The following PSG7 variants were observed in gnomAD, a reference collection of about 807,000 sequenced individuals.
PSG7 encodes the protein pregnancy-specific beta-1-glycoprotein 7.
Under a neutral mutation model 45.6 loss-of-function variants are expected in PSG7, and 57 were observed. That is an observed-to-expected ratio of 1.25 (90% confidence interval 1.01 to 1.56). The LOEUF (loss-of-function observed/expected upper bound fraction) is 1.56. Ranked by LOEUF, PSG7 falls within the 40% of genes most tolerant of loss-of-function variation. The pLI, the probability that PSG7 is intolerant of heterozygous loss-of-function variation, is 0.00. For missense variants in PSG7, 796 were observed against 508.4 expected (o/e 1.57, Z -5.44); for synonymous variants, 298 against 194.4 (o/e 1.53, Z -4.43).
rs564704989 is a variant in PSG7 at position 42,932,269 on chromosome 19, C to T, written c.431-2549G>A. Among the ~76,000 whole-genome samples, 15 of 151,564 alleles carry T rather than the reference C, an allele frequency of 9.9e-5. No individual in the cohort carries two copies. In the South Asian group the frequency reaches 2.3e-3, roughly 23 times the overall value. ...GTATCTCCTGACCTTGTGCCTGCCT[C>T]GGCCTCCCAAAGTCCTGGGAGTATA... On this transcript the variant is annotated intron_variant, in intron 2 of 5. Transcript: ENST00000406070.
At position 42,929,312 on chromosome 19, in the gene PSG7, T is replaced by A; in HGVS notation, c.709+130A>T. The A allele has an allele frequency of 1.9e-6, 3 of 1,576,694 alleles. 1 individual carries two copies. The highest frequency in any genetic ancestry group is 2.4e-5 in the South Asian group (2 of 83,946). On this transcript the variant is annotated intron_variant, in intron 3 of 5. Coordinates refer to ENST00000406070, the MANE Select transcript of PSG7 (RefSeq NM_002783.3). ...ACTCTGGTTTGCCTGGGGCAGGAAG[T>A]CACCACCAGCTTTGATGTCCAGGGG...
rs929635049 is a variant in PSG7 at position 42,937,204 on chromosome 19, T to C, written c.-128A>G. 3.1e-5 allele frequency: 43 copies of C among 1,381,270 alleles called. 1 individual carries two copies. The highest frequency in any genetic ancestry group is 2.0e-4 in the Middle Eastern group (1 of 5,068). The allele number at this position is 1,381,270 out of a possible 1,614,324, so 85.6% of individuals were successfully genotyped here. On this transcript the variant is annotated 5_prime_UTR_variant, in exon 1 of 6. Coordinates refer to ENST00000406070, the MANE Select transcript of PSG7 (RefSeq NM_002783.3). ...GAGCCTCTTCCCGGGGCAGGAGCAC[T>C]TCTCAAGCTCATGGGTGGGGTCAGG...
At chr19:42,933,757 G>T (rs977244359) in intron 2 of PSG7, among the ~76,000 whole-genome samples, 1 of 151,090 alleles carries the variant, frequency 6.6e-6, no homozygotes, top group Non-Finnish European at 1.5e-5. Flanking sequence ...TGAGCAGTGA[G>T]GGCTACACTG....
rs7245978 is a variant in PSG7, at chr19:42,935,641, A to T, written c.193T>A (p.Tyr65Asn). 6.2e-7 allele frequency: 1 copy of T among 1,612,178 alleles called. No homozygotes were observed. The highest frequency in any genetic ancestry group is 1.1e-5 in the South Asian group (1 of 90,804). ...CTGATTTGTCCTTTGTACCAGATGT[A>T]GCCAGTAAGATTCTGGGGCAAATTG... ...VHNLPQNLTG[Y>N]IWYKGQIRDL... Residue 65 changes from tyrosine to asparagine, a missense_variant, in exon 2 of 6, where the codon TAC becomes AAC. Physicochemically the swap from Tyr to Asn is moderately radical, Grantham distance 143. Coordinates refer to ENST00000406070, the MANE Select transcript of PSG7 (RefSeq NM_002783.3).
At position 42,924,602 on chromosome 19, in the gene PSG7, T is replaced by C. The variant is rs1272939415; in HGVS notation, c.*206A>G. The C allele has an allele frequency of 4.7e-6, 3 of 636,996 alleles. No homozygotes were observed. The highest frequency in any genetic ancestry group is 8.4e-6 in the Non-Finnish European group (3 of 356,612). 39.5% of individuals were successfully genotyped at this position (636,996 alleles called of 1,614,324 possible). A position where few individuals can be genotyped will look rare whatever the true frequency, so the allele number is the denominator to read the frequency against. ...TCCACAGTGTGAAGTCATCAACTTG[T>C]TTTCCTTGTTTACAGTTTGAGCAGC... On this transcript the variant is annotated 3_prime_UTR_variant, in exon 6 of 6. Transcript: ENST00000406070.
intron 3 of PSG7, chr19:42,929,219 C>G (rs139936682): frequency 2.9e-5 from 31 of 1,055,150 alleles, no homozygotes; most frequent in Non-Finnish European, 4.2e-5. Context: ...CCATCACAAG[C>G]TGTGGACCCT....
rs536714754 is a variant in PSG7, at chr19:42,927,796, G to A, written c.710-1080C>T. 6.6e-5 allele frequency among the ~76,000 whole-genome samples: 10 copies of A among 151,668 alleles called. No individual in the cohort carries two copies. The South Asian group carries it at 1.7e-3, about 26-fold the overall frequency. ...AGAATCAGAAGTTGTTCATGGGTGG[G>A]CAGTTTCTTTTATGCAAGATGGGGA... On this transcript the variant is annotated intron_variant, in intron 3 of 5. Transcript: ENST00000406070.
chr19:42,929,382 C>A (rs999900794), intron 3 of PSG7, 60 bp downstream of exon 3: 2 of 1,610,926 alleles, frequency 1.2e-6, no homozygotes, highest in African/African-American at 2.7e-5. Flanking sequence ...AGAAGCCCGG[C>A]CTCTGGCCAT....
chr19:42,933,307 A>ATATATATATATT lies in PSG7; in HGVS notation c.430+2096_430+2097insAATATATATATA, dbSNP rs56691588. Among the ~76,000 whole-genome samples, 18 of 13,496 alleles carry ATATATATATATT rather than the reference A, an allele frequency of 1.3e-3. 2 individuals carry two copies. Among genetic ancestry groups the ATATATATATATT allele is most frequent in the Admixed American group, 4.7e-3 (3 of 636 alleles). 8.9% of individuals were successfully genotyped at this position (13,496 alleles called of 152,430 possible). The stretch of plus-strand genomic sequence containing the variant: ...TATATATATATATATATATATATAT[A>ATATATATATATT]TTTTTTTTTTTTTTTGGTGTATGTA... On this transcript the variant is annotated intron_variant, in intron 2 of 5. Transcript: ENST00000406070.
At position 42,925,980 on chromosome 19, in the gene PSG7, A is replaced by C; in HGVS notation, c.1036T>G (p.Ser346Ala). 6.2e-7 allele frequency: 1 copy of C among 1,612,112 alleles called. No homozygotes were observed. Among genetic ancestry groups the C allele is most frequent in the South Asian group, 1.1e-5 (1 of 90,618 alleles). ...RIYPSFTYYH[S>A]GQNLYLSCFA... ...CAGGACAAGTAGAGGTTTTGTCCTG[A>C]ATGGTAATAGGTGAATGAAGGGTAA... The change falls in exon 5 of 6, where the codon TCA becomes GCA. Residue 346 changes from serine (S) to alanine (A), a missense_variant. By Grantham distance (99) the Ser-to-Ala change is moderately conservative. Coordinates refer to ENST00000406070, the MANE Select transcript of PSG7 (RefSeq NM_002783.3).
rs186926543 is a variant in PSG7, at chr19:42,935,595, G to A, written c.239C>T (p.Thr80Ile). 1.0e-4 allele frequency: 168 copies of A among 1,612,102 alleles called. 8 individuals are homozygous for A. The Admixed American group carries it at 1.2e-3, about 12-fold the overall frequency. The change falls in exon 2 of 6, where the codon ACA becomes ATA. Residue 80 changes from threonine (T) to isoleucine (I), a missense_variant. Coordinates refer to ENST00000406070, the MANE Select transcript of PSG7 (RefSeq NM_002783.3). ...GQIRDLYHYV[T>I]SYIVDGQIIK... ...TATTTGACCGTCTACTATATATGAT[G>A]TAACATAATGGTAGAGGTCCCTGAT...
chr19:42,925,697 T>A, intron 5 of PSG7, 76 bp downstream of exon 5: 1 of 1,605,848 alleles, frequency 6.2e-7, no homozygotes. Flanking sequence ...AATACAAATG[T>A]TTTCCTGACT....
intron 2 of PSG7, among the ~76,000 whole-genome samples, chr19:42,931,767 A>C (rs545337922): frequency 6.6e-6 from 1 of 151,606 alleles, no homozygotes; most frequent in Non-Finnish European, 1.5e-5. Context: ...CTGGTCCCCA[A>C]ACCACCTGTA....
rs769322170 is a variant in PSG7, at chr19:42,925,792, G to A, written c.1224C>T (p.Ser408=). ...ACTTACCAGAGACTCTGACTGTCACGGATTTGGAGCTTTCCTTGCCAGTGG... is the reference window on the plus strand; with the variant it reads ...ACTTACCAGAGACTCTGACTGTCACAGATTTGGAGCTTTCCTTGCCAGTGG... ...NSATGKESSK[S]VTVRVSDWTL... is the part of the protein sequence containing the mutation. The change falls in exon 5 of 6, where the codon TCC becomes TCT. Residue 408 remains serine, a synonymous_variant. Coordinates refer to ENST00000406070, the MANE Select transcript of PSG7 (RefSeq NM_002783.3). The A allele has an allele frequency of 9.9e-6, 16 of 1,611,918 alleles. 1 individual carries two copies. In the Middle Eastern group the frequency reaches 1.3e-3, roughly 133 times the overall value.
Position 42,926,418 on chromosome 19 carries a change from G to T in PSG7, c.988+20C>A. 6.2e-7 allele frequency: 1 copy of T among 1,610,262 alleles called. No homozygotes were observed. The highest frequency in any genetic ancestry group is 8.5e-7 in the Non-Finnish European group (1 of 1,178,090). On this transcript the variant is annotated intron_variant, in intron 4 of 5. Transcript: ENST00000406070. ...GTGTCCTGGCCCACAGAGGAAGAAA[G>T]GATACTCAAGGATACTCACAGAGGA...
intron 1 of PSG7, chr19:42,936,214 C>G (rs1973149872): frequency 5.7e-6 from 1 of 174,152 alleles, no homozygotes; most frequent in Admixed American, 5.4e-5. Context: ...CACCTGATCT[C>G]ACATTCTAGA....
rs376480204 is a variant in PSG7, at chr19:42,926,489, G to T, written c.937C>A (p.Arg313=). 18 of 1,611,338 alleles carry T rather than the reference G, an allele frequency of 1.1e-5. No individual in the cohort carries two copies. Among genetic ancestry groups the T allele is most frequent in the Middle Eastern group, 1.7e-4 (1 of 5,778 alleles). ...NETGPYQCEI[R]DRYGGIRSDP... Reference sequence around the variant, plus strand: ...CTGCGGATGCCACCATATCGGTCCCGTATTTCACATTGATAGGGTCCTGTT... The same window carrying T: ...CTGCGGATGCCACCATATCGGTCCCTTATTTCACATTGATAGGGTCCTGTT... Residue 313 remains arginine, a synonymous_variant, in exon 4 of 6, where the codon CGG becomes AGG. Coordinates refer to ENST00000406070, the MANE Select transcript of PSG7 (RefSeq NM_002783.3).
chr19:42,936,372 G>GT (rs543491391), intron 1 of PSG7: 2 of 157,578 alleles, frequency 1.3e-5, no homozygotes, highest in Non-Finnish European at 1.4e-5. Flanking sequence ...TGCCCTGGGT[G>GT]TTTTTTTTCC....
intron 2 of PSG7, among the ~76,000 whole-genome samples, chr19:42,934,360 G>A (rs1380593981): frequency 1.3e-5 from 2 of 151,348 alleles, no homozygotes; most frequent in Non-Finnish European, 2.9e-5. Flanking sequence ...GGGGTGCTTG[G>A]AACCCAGTAA....
Sources: allele counts gnomAD v4.1 joint callset (sites outside exome capture counted in the v4.1 genomes callset), GRCh38; gene constraint gnomAD v4.1.1; transcripts MANE v1.5; gene names NCBI Gene and HGNC (gene_info 2026-07-23, HGNC 2026-07-21).